The following TAFA5 variants were observed in gnomAD, a reference collection of about 807,000 sequenced individuals.
TAFA5 encodes the protein TAFA chemokine like family member 5.
A neutral mutation model predicts 15.3 loss-of-function variants in TAFA5; 6 were observed. The observed-to-expected ratio is 0.39, with a 90% CI of 0.21 to 0.77. TAFA5 has a LOEUF of 0.77. TAFA5 is among the 30% of genes least tolerant of loss of function. The pLI is 0.41. For synonymous variants in TAFA5, 103 were observed against 80.7 expected (o/e 1.28, Z -1.48); for missense variants, 161 against 193.1 (o/e 0.83, Z 0.98).
intron 2 of TAFA5, among the ~76,000 whole-genome samples, chr22:48,673,585 G>A (rs1243358975): frequency 6.6e-6 from 1 of 152,210 alleles, no homozygotes; most frequent in African/African-American, 2.4e-5. Context: ...GTCGCTGCTG[G>A]ACTGAGAGGC....
At chr22:48,573,253 T>A (rs529843103) in intron 1 of TAFA5, among the ~76,000 whole-genome samples, 1 of 152,378 alleles carries the variant, frequency 6.6e-6, no homozygotes, top group Admixed American at 6.5e-5. Flanking sequence ...ATCCTTCTGT[T>A]GGTTCCCACC....
At chr22:48,711,061 C>A (rs763897211) in intron 3 of TAFA5, among the ~76,000 whole-genome samples, 1 of 152,108 alleles carries the variant, frequency 6.6e-6, no homozygotes, top group Non-Finnish European at 1.5e-5. Context: ...CTGCAGGGGA[C>A]CCCCCAAGCC....
chr22:48,614,930 C>T (rs899006502), intron 1 of TAFA5, among the ~76,000 whole-genome samples: 1 of 152,168 alleles, frequency 6.6e-6, no homozygotes, highest in Admixed American at 6.5e-5. Context: ...GCCTCCCAGT[C>T]ACCGGGGCCA....
At chr22:48,491,469 C>T (rs544027572) in intron 1 of TAFA5, among the ~76,000 whole-genome samples, 3 of 152,310 alleles carry the variant, frequency 2.0e-5, no homozygotes, top group East Asian at 3.9e-4. Context: ...GGCGGCCCAT[C>T]CCTGGCTGGC....
Position 48,532,653 on chromosome 22 carries a change from G to A in TAFA5, c.112+42949G>A, listed in dbSNP as rs5768703. On this transcript the variant is annotated intron_variant, in intron 1 of 3. Transcript: ENST00000402357. ...ATAGGGTGTGGCCCACCCAGTCGCT[G>A]GGGGCCTCTAATGCAGCCGCCATCT... Among the ~76,000 whole-genome samples, 2,792 of 152,276 alleles carry A rather than the reference G, an allele frequency of 0.018. 129 individuals carry two copies. In the East Asian group the frequency reaches 0.19, roughly 10 times the overall value.
In TAFA5 at chr22:48,659,583, T is replaced by G. The variant is rs372773126; in HGVS notation, c.262+12837T>G. Among the ~76,000 whole-genome samples the G allele has an allele frequency of 7.3e-3, 1,114 of 152,236 alleles. 41 individuals are homozygous for G. The highest frequency in any genetic ancestry group is 0.062 in the Admixed American group (942 of 15,302). On this transcript the variant is annotated intron_variant, in intron 2 of 3. Coordinates refer to ENST00000402357, the MANE Select transcript of TAFA5 (RefSeq NM_001082967.3). ...GAGGAGGCGGTGGCCAAGCTGGGGG[T>G]GGGGCATTCTTTGCCCTTGTCCTGC...
Position 48,489,782 on chromosome 22 carries a change from G to A in TAFA5, c.112+78G>A, listed in dbSNP as rs1456214227. On this transcript the variant is annotated intron_variant, in intron 1 of 3. Coordinates refer to ENST00000402357, the MANE Select transcript of TAFA5 (RefSeq NM_001082967.3). The surrounding 1 kb of genome is among the most constrained non-coding windows in gnomAD (Gnocchi z 5.5). ...CTCCTCCGGCCCCGGCAGGCGCCCC[G>A]CGGGCCTCCCGGAGTCGGCGCGGAG... is the stretch of plus-strand genomic sequence containing the variant. 10 of 916,290 alleles carry A rather than the reference G, an allele frequency of 1.1e-5. No individual in the cohort carries two copies. Among genetic ancestry groups the A allele is most frequent in the South Asian group, 3.1e-5 (1 of 32,642 alleles). The allele number at this position is 916,290 out of a possible 1,614,324, so 56.8% of individuals were successfully genotyped here. A position where few individuals can be genotyped will look rare whatever the true frequency, so the allele number is the denominator to read the frequency against.
chr22:48,692,951 G>A (rs1317791523), intron 2 of TAFA5, among the ~76,000 whole-genome samples: 1 of 152,212 alleles, frequency 6.6e-6, no homozygotes, highest in Non-Finnish European at 1.5e-5. Context: ...GGGCATCGGC[G>A]GCGCCTTGGG....
In TAFA5 at chr22:48,700,046, T is replaced by TAC. The variant is rs756767713; in HGVS notation, c.263-7658_263-7657dup. 7.5e-3 allele frequency among the ~76,000 whole-genome samples: 1,143 copies of TAC among 151,894 alleles called. 11 individuals carry two copies. Among genetic ancestry groups the TAC allele is most frequent in the Middle Eastern group, 0.02 (6 of 294 alleles). On this transcript the variant is annotated intron_variant, in intron 2 of 3. Coordinates refer to ENST00000402357, the MANE Select transcript of TAFA5 (RefSeq NM_001082967.3). ...TGCACGAGTACACGCACACACCATA[T>TAC]ACACACACACACACCCCACCTCACA...
chr22:48,521,955 G>A (rs1459583205), intron 1 of TAFA5, among the ~76,000 whole-genome samples: 1 of 152,176 alleles, frequency 6.6e-6, no homozygotes, highest in East Asian at 1.9e-4. Context: ...TAGACGACAA[G>A]GAGGACAGAG....
rs148638423 is a variant in TAFA5 at position 48,742,693 on chromosome 22, A to G, written c.391-7146A>G. ...GGTAGACCGGGCAGTGTGATGGACC[A>G]GGCGACGTGGTGGGCCGGGTGGTGT... On this transcript the variant is annotated intron_variant, in intron 3 of 3. Transcript: ENST00000402357. This position sits in a 1 kb window ranked among gnomAD's most constrained non-coding sequence, Gnocchi z 6.2. Among the ~76,000 whole-genome samples the G allele has an allele frequency of 2.0e-3, 303 of 152,066 alleles. No individual in the cohort carries two copies. Among genetic ancestry groups the G allele is most frequent in the Non-Finnish European group, 3.5e-3 (235 of 67,990 alleles).
At chr22:48,621,358 C>G in intron 1 of TAFA5, among the ~76,000 whole-genome samples, 1 of 151,512 alleles carries the variant, frequency 6.6e-6, no homozygotes, top group East Asian at 2.0e-4. Flanking sequence ...TCATTTCATC[C>G]ACACACCCAC....
chr22:48,717,133 G>A (rs1158875579), intron 3 of TAFA5, among the ~76,000 whole-genome samples: 7 of 152,190 alleles, frequency 4.6e-5, no homozygotes, highest in South Asian at 2.1e-4. Context: ...TTCAGACCAC[G>A]GGAGATGAAA....
At chr22:48,491,024 G>C (rs571540655) in intron 1 of TAFA5, among the ~76,000 whole-genome samples, 2 of 152,188 alleles carry the variant, frequency 1.3e-5, no homozygotes, top group African/African-American at 2.4e-5. Context: ...GCTTCAGCGC[G>C]GTTATGCATT....
At chr22:48,630,824 C>G (rs2147189053) in intron 1 of TAFA5, among the ~76,000 whole-genome samples, 1 of 152,188 alleles carries the variant, frequency 6.6e-6, no homozygotes, top group African/African-American at 2.4e-5. Context: ...CTACCTGAAA[C>G]CAGCCAGCCA....
chr22:48,612,521 C>T (rs1925446732), intron 1 of TAFA5, among the ~76,000 whole-genome samples: 1 of 152,122 alleles, frequency 6.6e-6, no homozygotes, highest in African/African-American at 2.4e-5. Flanking sequence ...CTCCTGGACC[C>T]TCCAGCCCTC....
chr22:48,571,328 G>GC (rs567801750), intron 1 of TAFA5, among the ~76,000 whole-genome samples: 19 of 137,912 alleles, frequency 1.4e-4, no homozygotes, highest in Admixed American at 8.6e-4. Context: ...AGGCTGGAGT[G>GC]CAGTAGAACA....
intron 1 of TAFA5, among the ~76,000 whole-genome samples, chr22:48,569,165 G>A: frequency 6.6e-6 from 1 of 152,210 alleles, no homozygotes; most frequent in East Asian, 1.9e-4. Context: ...TGCCTGGGGT[G>A]TGCCAAGTAC....
rs187213557 is a variant in TAFA5, at chr22:48,676,837, C to T, written c.262+30091C>T. Among the ~76,000 whole-genome samples, 53 of 152,344 alleles carry T rather than the reference C, an allele frequency of 3.5e-4. 1 individual carries two copies. Among genetic ancestry groups the T allele is most frequent in the Admixed American group, 2.7e-3 (42 of 15,310 alleles). On this transcript the variant is annotated intron_variant, in intron 2 of 3. Coordinates refer to ENST00000402357, the MANE Select transcript of TAFA5 (RefSeq NM_001082967.3). ...TCAACTGATTTCTCTAAGTTTCTTC[C>T]TGGAAGTGGGATGCTCCTTGGACTA...
Sources: gnomAD v4.1 joint callset for allele counts (sites outside exome capture counted in the v4.1 genomes callset) on GRCh38, gnomAD v4.1.1 for gene constraint, Gnocchi (gnomAD v3.1) non-coding constraint, MANE v1.5 for transcripts, NCBI Gene and HGNC (gene_info 2026-07-23, HGNC 2026-07-21) for gene names.